Variants in GASK1B observed in about 807,000 individuals in gnomAD.
GASK1B encodes the protein Golgi-associated kinase 1B.
A neutral mutation model predicts 42.8 loss-of-function variants in GASK1B; 34 were observed. That is an observed-to-expected ratio of 0.79 (90% CI 0.60 to 1.06). GASK1B has a LOEUF of 1.06. Ranked by LOEUF, GASK1B falls within the 50% of genes least tolerant of loss-of-function variation. The pLI is 0.00. For synonymous variants in GASK1B, 262 were observed against 259.1 expected, an observed-to-expected ratio of 1.01 and a Z score of -0.11; for missense variants, 686 against 661.0, an observed-to-expected ratio of 1.04 and a Z score of -0.42.
chr4:158,127,435 C>T lies in GASK1B; in HGVS notation c.1532G>A (p.Gly511Glu), dbSNP rs1411929823. The change falls in exon 5 of 5, where the codon GGG becomes GAG. Residue 511 changes from glycine to glutamate, a missense_variant. Coordinates refer to ENST00000585682, the MANE Select transcript of GASK1B (RefSeq NM_001128424.2). ...KILITYINAHGVKVLPMNE is the reference protein window; with the variant it reads ...KILITYINAHEVKVLPMNE ...TTCATTCATAGGTAATACTTTGACC[C>T]CGTGTGCATTGATATAGGTGATAAG... 13 of 1,613,430 alleles carry T rather than the reference C, an allele frequency of 8.1e-6. No individual in the cohort carries two copies. In the African/African-American group the frequency reaches 1.3e-4, roughly 17 times the overall value.
chr4:158,151,977 G>A (rs1166637212), intron 3 of GASK1B, among the ~76,000 whole-genome samples: 3 of 152,178 alleles, frequency 2.0e-5, no homozygotes, highest in Non-Finnish European at 4.4e-5. Context: ...AGCACAGCTA[G>A]AATAAAGCAG....
chr4:158,168,421 A>T (rs1732313652), intron 2 of GASK1B: 1 of 152,196 alleles, frequency 6.6e-6, no homozygotes, highest in Non-Finnish European at 1.5e-5. Context: ...GTAACACATG[A>T]GACTTGGAGA....
intron 3 of GASK1B, among the ~76,000 whole-genome samples, chr4:158,140,073 C>T (rs369492481): frequency 3.3e-5 from 5 of 152,186 alleles, no homozygotes; most frequent in Non-Finnish European, 4.4e-5. Flanking sequence ...AGTACAATGA[C>T]CACCGGTATA....
intron 3 of GASK1B, among the ~76,000 whole-genome samples, chr4:158,148,520 T>A (rs578255817): frequency 6.6e-6 from 1 of 152,332 alleles, no homozygotes; most frequent in East Asian, 1.9e-4. Context: ...ATATATAATT[T>A]GACAAACAGT....
intron 3 of GASK1B, among the ~76,000 whole-genome samples, chr4:158,148,417 A>C (rs1052352482): frequency 6.6e-6 from 1 of 152,346 alleles, no homozygotes; most frequent in South Asian, 2.1e-4. Flanking sequence ...AACACCTACA[A>C]GAAATTAGCC....
intron 2 of GASK1B, among the ~76,000 whole-genome samples, chr4:158,159,890 C>A (rs1456646672): frequency 6.6e-6 from 1 of 152,000 alleles, no homozygotes; most frequent in Non-Finnish European, 1.5e-5. Flanking sequence ...TATTAAATGC[C>A]CTTCACTTTG....
intron 3 of GASK1B, among the ~76,000 whole-genome samples, chr4:158,144,852 A>G (rs747807029): frequency 3.3e-5 from 5 of 152,224 alleles, no homozygotes; most frequent in Admixed American, 1.3e-4. Context: ...CAATAAATAC[A>G]TGGCTAGAGG....
At chr4:158,156,066 A>G (rs752242344) in intron 2 of GASK1B, among the ~76,000 whole-genome samples, 61 of 152,176 alleles carry the variant, frequency 4.0e-4, no homozygotes, top group Non-Finnish European at 6.3e-4. Context: ...TTTAAACGAG[A>G]TATTTTATAG....
chr4:158,161,313 A>G (rs957180505), intron 2 of GASK1B, among the ~76,000 whole-genome samples: 21 of 152,136 alleles, frequency 1.4e-4, no homozygotes, highest in Non-Finnish European at 2.1e-4. Flanking sequence ...ATTAAATAAT[A>G]AAAAAGAAAC....
At chr4:158,135,649 T>C (rs934916140) in intron 3 of GASK1B, among the ~76,000 whole-genome samples, 2 of 151,784 alleles carry the variant, frequency 1.3e-5, no homozygotes, top group African/African-American at 4.8e-5. Context: ...TCCATGCTCT[T>C]ATCCATCCTG....
chr4:158,133,094 G>T (rs901031545), intron 3 of GASK1B, among the ~76,000 whole-genome samples: 3 of 152,244 alleles, frequency 2.0e-5, no homozygotes, highest in African/African-American at 7.2e-5. Flanking sequence ...GAGTATAAGA[G>T]AAATCAAATG....
At position 158,172,963 on chromosome 4, in the gene GASK1B, G is replaced by A. The variant is rs1385719438; in HGVS notation, c.-320C>T. ...AAGGTAAGAAAGAGTTAATATAAATGAGGAGAAAAAATAGAACAGTGAGAT... is the reference window on the plus strand; with the variant it reads ...AAGGTAAGAAAGAGTTAATATAAATAAGGAGAAAAAATAGAACAGTGAGAT... On this transcript the variant is annotated 5_prime_UTR_variant, in exon 1 of 5. Coordinates refer to ENST00000585682, the MANE Select transcript of GASK1B (RefSeq NM_001128424.2). The A allele has an allele frequency of 6.6e-6, 1 of 152,168 alleles. No individual in the cohort carries two copies. The highest frequency in any genetic ancestry group is 1.5e-5 in the Non-Finnish European group (1 of 68,048). 9.4% of individuals were successfully genotyped at this position (152,168 alleles called of 1,614,324 possible).
intron 3 of GASK1B, among the ~76,000 whole-genome samples, chr4:158,151,619 C>T (rs1731561651): frequency 6.6e-6 from 1 of 152,176 alleles, no homozygotes; most frequent in Admixed American, 6.5e-5. Flanking sequence ...GGGCAATCTA[C>T]AACCAATACC....
chr4:158,162,091 C>A (rs1732041002), intron 2 of GASK1B, among the ~76,000 whole-genome samples: 1 of 152,162 alleles, frequency 6.6e-6, no homozygotes, highest in Non-Finnish European at 1.5e-5. Flanking sequence ...ATACTTTCTG[C>A]ACCCATCCCA....
At chr4:158,133,180 A>G (rs554726796) in intron 3 of GASK1B, among the ~76,000 whole-genome samples, 3 of 152,290 alleles carry the variant, frequency 2.0e-5, no homozygotes, top group African/African-American at 7.2e-5. Flanking sequence ...ACTTTTCTAT[A>G]AGCTGCTTCC....
At position 158,145,603 on chromosome 4, in the gene GASK1B, A is replaced by G. The variant is rs1731300317; in HGVS notation, c.1125+10008T>C. 1.3e-5 allele frequency among the ~76,000 whole-genome samples: 2 copies of G among 152,168 alleles called. 1 individual carries two copies. The highest frequency in any genetic ancestry group is 4.2e-4 in the South Asian group (2 of 4,818). ...GCAGGTTTTTCCATTTCTAGATTAC[A>G]TGTCACATTTTCTGTCTACACTCTC... is the stretch of plus-strand genomic sequence containing the variant. On this transcript the variant is annotated intron_variant, in intron 3 of 4. Coordinates refer to ENST00000585682, the MANE Select transcript of GASK1B (RefSeq NM_001128424.2).
Position 158,171,439 on chromosome 4 carries a change from T to G in GASK1B, c.-64A>C. ...CTGCAGTTGGCTCCTGCTAATGTGATGCATGGTTTCCTGACTTCAGCTGCC... is the reference window on the plus strand; with the variant it reads ...CTGCAGTTGGCTCCTGCTAATGTGAGGCATGGTTTCCTGACTTCAGCTGCC... On this transcript the variant is annotated 5_prime_UTR_variant, in exon 2 of 5. Transcript: ENST00000585682. 6.7e-7 allele frequency: 1 copy of G among 1,484,412 alleles called. No homozygotes were observed. The allele number at this position is 1,484,412 out of a possible 1,614,324, so 92.0% of individuals were successfully genotyped here.
At chr4:158,163,272 T>C (rs1335397309) in intron 2 of GASK1B, among the ~76,000 whole-genome samples, 1 of 152,154 alleles carries the variant, frequency 6.6e-6, no homozygotes, top group East Asian at 1.9e-4. Context: ...ATGAAAAAGG[T>C]AGCACTCAAG....
At position 158,131,017 on chromosome 4, in the gene GASK1B, A is replaced by G. The variant is rs1462031514; in HGVS notation, c.1126-5T>C. On this transcript the variant is annotated splice_polypyrimidine_tract_variant and splice_region_variant and intron_variant, in intron 3 of 4. Coordinates refer to ENST00000585682, the MANE Select transcript of GASK1B (RefSeq NM_001128424.2). ...TGTATCTAAGCGATTATAAATCTGT[A>G]AATGGAAAACACAAAATCCAAGATG... 1 of 1,608,882 alleles carries G rather than the reference A, an allele frequency of 6.2e-7. No homozygotes were observed. The highest frequency in any genetic ancestry group is 1.7e-5 in the Admixed American group (1 of 59,356).
Sources: allele counts gnomAD v4.1 joint callset (sites outside exome capture counted in the v4.1 genomes callset), GRCh38; gene constraint gnomAD v4.1.1; transcripts MANE v1.5; gene names NCBI Gene and HGNC (gene_info 2026-07-23, HGNC 2026-07-21).